Variants in ACSS1 observed in about 807,000 individuals in gnomAD.
The protein encoded by ACSS1 is acetyl-coenzyme A synthetase 2-like, mitochondrial.
Under a neutral mutation model 75.3 loss-of-function variants are expected in ACSS1, and 42 were observed. The ratio of observed to expected loss-of-function variants is 0.56; its 90% CI spans 0.44 to 0.72. ACSS1 has a LOEUF of 0.72. Among genes scored for constraint, ACSS1 ranks in the 30% least tolerant of loss-of-function variants. The pLI is 0.00. For missense variants in ACSS1, 782 were observed against 935.7 expected (o/e 0.84, Z 2.14); for synonymous variants, 380 against 376.8 (o/e 1.01, Z -0.10).
intron 12 of ACSS1, 113 bp from the exon 13 acceptor site, chr20:25,009,501 G>T (rs1460921504): frequency 1.2e-6 from 1 of 810,124 alleles, no homozygotes; most frequent in African/African-American, 1.7e-5. Flanking sequence ...TGAATCCTAT[G>T]TTAGTGACAT....
In ACSS1 at chr20:25,058,040, C is replaced by A; in HGVS notation, c.63G>T (p.Ser21=). The change falls in exon 1 of 14, where the codon TCG becomes TCT. Residue 21 remains serine, a synonymous_variant. Coordinates refer to ENST00000323482, the MANE Select transcript of ACSS1 (RefSeq NM_032501.4). ...CGCACGGCGGCCGCGCGGGCTGCCC[C>A]GAGAGCCCTCGCAGGCTGCCCAGCA... ...GRLLGSLRGL[S]GQPARPPCGV... is the part of the protein sequence containing the mutation. The A allele has an allele frequency of 7.4e-7, 1 of 1,359,000 alleles. No individual in the cohort carries two copies. Among genetic ancestry groups the A allele is most frequent in the Non-Finnish European group, 9.4e-7 (1 of 1,063,768 alleles). 84.2% of individuals were successfully genotyped at this position (1,359,000 alleles called of 1,614,324 possible). A position where few individuals can be genotyped will look rare whatever the true frequency, so the allele number is the denominator to read the frequency against.
At chr20:25,030,401 C>A (rs578018569) in intron 3 of ACSS1, among the ~76,000 whole-genome samples, 1 of 152,202 alleles carries the variant, frequency 6.6e-6, no homozygotes, top group African/African-American at 2.4e-5. Flanking sequence ...AGTTGTTGAC[C>A]TGTGGAACCT....
chr20:25,008,926 A>G (rs1485313990), intron 13 of ACSS1, among the ~76,000 whole-genome samples: 1 of 152,222 alleles, frequency 6.6e-6, no homozygotes, highest in African/African-American at 2.4e-5. Context: ...GAACTCCTGG[A>G]CAGGTGAGCT....
intron 2 of ACSS1, among the ~76,000 whole-genome samples, chr20:25,034,116 A>G (rs1317854057): frequency 2.0e-5 from 3 of 152,176 alleles, no homozygotes; most frequent in African/African-American, 7.2e-5. Context: ...TGAAGTGGAA[A>G]GGATCCTTGG....
intron 2 of ACSS1, chr20:25,032,598 C>T: frequency 8.1e-7 from 1 of 1,236,824 alleles, no homozygotes; most frequent in East Asian, 3.1e-5. Context: ...GCCCGCGACC[C>T]CTGCCCTCTG....
At chr20:25,045,313 G>C (rs764191377) in intron 2 of ACSS1, among the ~76,000 whole-genome samples, 1 of 152,172 alleles carries the variant, frequency 6.6e-6, no homozygotes, top group Non-Finnish European at 1.5e-5. Flanking sequence ...CTGCACCCCA[G>C]AGGACCTGGG....
intron 2 of ACSS1, among the ~76,000 whole-genome samples, chr20:25,034,846 G>A (rs2088883030): frequency 6.6e-6 from 1 of 152,022 alleles, no homozygotes; most frequent in Non-Finnish European, 1.5e-5. Flanking sequence ...GGGATTACAG[G>A]CATGAGCTAT....
intron 1 of ACSS1, among the ~76,000 whole-genome samples, chr20:25,051,180 C>T (rs1233122324): frequency 6.6e-6 from 1 of 152,198 alleles, no homozygotes; most frequent in Non-Finnish European, 1.5e-5. Context: ...GCTCACTCTC[C>T]CGAGCACCTC....
rs1473178786 is a variant in ACSS1 at position 25,023,080 on chromosome 20, C to T, written c.820G>A (p.Glu274Lys). The change falls in exon 5 of 14, where the codon GAG (glutamate) becomes AAG (lysine). Residue 274 changes from glutamate (E) to lysine (K), a missense_variant. This residue lies in a region of ACSS1 where 377 missense variants were observed against 383.1 expected (regional missense o/e 0.98). Transcript: ENST00000323482. ...CTCTCTGGGGCGCAAACAGGGTCCT[C>T]CTTGGCCATTTCCTGGCAGGGAGAA... Reference protein sequence around the residue: ...DVPLEQEMAKEDPVCAPESMG... With the variant: ...DVPLEQEMAKKDPVCAPESMG... 6.2e-7 allele frequency: 1 copy of T among 1,612,078 alleles called. No homozygotes were observed. Among genetic ancestry groups the T allele is most frequent in the East Asian group, 2.2e-5 (1 of 44,862 alleles).
Position 25,007,571 on chromosome 20 carries a change from C to T in ACSS1, c.*191G>A. ...TGTCGCATAGCCTCTCCATGGGTGACACTCCTGGGACCTCCAATGGATGGG... is the reference window on the plus strand; with the variant it reads ...TGTCGCATAGCCTCTCCATGGGTGATACTCCTGGGACCTCCAATGGATGGG... On this transcript the variant is annotated 3_prime_UTR_variant, in exon 14 of 14. Coordinates refer to ENST00000323482, the MANE Select transcript of ACSS1 (RefSeq NM_032501.4). The T allele has an allele frequency of 7.0e-7, 1 of 1,428,784 alleles. No individual in the cohort carries two copies. The highest frequency in any genetic ancestry group is 9.1e-7 in the Non-Finnish European group (1 of 1,095,356). The allele number at this position is 1,428,784 out of a possible 1,614,324, so 88.5% of individuals were successfully genotyped here.
Position 25,015,155 on chromosome 20 carries a change from TC to T in ACSS1, c.1321del (p.Asp441ThrfsTer30). ...CTCCTCACCTGTCTGCCACCAGGTG[TC>T]CACCAGCGTGCACCTGCTGTCCCCC... ...VVGDSRCTLV[D>X]TWWQTETGGI... On this transcript the variant is annotated frameshift_variant, in exon 8 of 14. Coordinates refer to ENST00000323482, the MANE Select transcript of ACSS1 (RefSeq NM_032501.4). LOFTEE classifies it high-confidence loss of function. The T allele has an allele frequency of 6.2e-7, 1 of 1,611,988 alleles. No individual in the cohort carries two copies. The highest frequency in any genetic ancestry group is 1.7e-5 in the Admixed American group (1 of 59,906).
At chr20:25,031,309 CCAGTCATGACCCA>C (rs1400187883) in intron 2 of ACSS1, among the ~76,000 whole-genome samples, 3 of 152,104 alleles carry the variant, frequency 2.0e-5, no homozygotes, top group Non-Finnish European at 1.5e-5. Flanking sequence ...ACATTCCTTG[CCAGTCATGACCCA>C]CAGTCATAAG....
At chr20:25,020,247 A>G in intron 6 of ACSS1, 100 bp from the exon 7 acceptor site, 1 of 1,506,098 alleles carries the variant, frequency 6.6e-7, no homozygotes. Context: ...GCATGTGCAG[A>G]CGCGCATATG....
At chr20:25,050,772 C>G (rs2089164787) in intron 1 of ACSS1, among the ~76,000 whole-genome samples, 1 of 152,084 alleles carries the variant, frequency 6.6e-6, no homozygotes, top group African/African-American at 2.4e-5. Context: ...CAGGCCCTCA[C>G]AGCCTCCCAG....
chr20:25,018,517 T>C (rs1156403157), intron 7 of ACSS1, among the ~76,000 whole-genome samples: 1 of 152,092 alleles, frequency 6.6e-6, no homozygotes, highest in East Asian at 1.9e-4. Context: ...AGCCCATCAA[T>C]CAGGTGGGGG....
At chr20:25,024,243 G>T (rs1194541280) in intron 3 of ACSS1, among the ~76,000 whole-genome samples, 2 of 152,166 alleles carry the variant, frequency 1.3e-5, no homozygotes, top group Non-Finnish European at 2.9e-5. Flanking sequence ...GACCAATGTT[G>T]CTCAGCCAGG....
intron 2 of ACSS1, among the ~76,000 whole-genome samples, chr20:25,037,004 GA>G (rs1568843598): frequency 6.7e-5 from 8 of 119,696 alleles, no homozygotes; most frequent in African/African-American, 2.4e-4. Context: ...AAAGAAGAAA[GA>G]AAGGAAGGAA....
At chr20:25,056,660 G>T (rs2089246180) in intron 1 of ACSS1, among the ~76,000 whole-genome samples, 1 of 152,184 alleles carries the variant, frequency 6.6e-6, no homozygotes, top group Non-Finnish European at 1.5e-5. Context: ...GAGACTGAGG[G>T]CTGGGGGGGC....
At position 25,014,011 on chromosome 20, in the gene ACSS1, T is replaced by C. The variant is rs778565258; in HGVS notation, c.1402A>G (p.Met468Val). 1.1e-5 allele frequency: 18 copies of C among 1,613,800 alleles called. No homozygotes were observed. Among genetic ancestry groups the C allele is most frequent in the Non-Finnish European group, 1.4e-5 (17 of 1,179,958 alleles). The change falls in exon 9 of 14, where the codon ATG becomes GTG. Residue 468 changes from methionine (M) to valine (V), a missense_variant. By Grantham distance (21) the Met-to-Val change is conservative (BLOSUM62 1). Transcript: ENST00000323482. The stretch of plus-strand genomic sequence containing the variant: ...ATGCCAAAGAAGGGCCTCATCGCCA[T>C]GGCAGGGAGGATTTCCGCCCCTTCT... ...SEEGAEILPA[M>V]AMRPFFGIVP...
Sources: allele counts gnomAD v4.1 joint callset (sites outside exome capture counted in the v4.1 genomes callset), GRCh38; gene constraint gnomAD v4.1.1; regional missense constraint gnomAD v4.1.1; transcripts MANE v1.5; gene names NCBI Gene and HGNC (gene_info 2026-07-23, HGNC 2026-07-21).